CNBD1: variants seen among roughly 807,000 people sequenced by gnomAD.
CNBD1 encodes the protein cyclic nucleotide-binding domain-containing protein 1.
A neutral mutation model predicts 54.4 loss-of-function variants in CNBD1; 71 were observed. That is an observed-to-expected ratio of 1.30 (90% CI 1.08 to 1.59). The LOEUF is 1.59. Ranked by LOEUF, CNBD1 falls within the 40% of genes most tolerant of loss-of-function variation. The pLI is 0.00. For synonymous variants in CNBD1, 182 were observed against 170.7 expected, an observed-to-expected ratio of 1.07 and a Z score of -0.51; for missense variants, 659 against 518.0, an observed-to-expected ratio of 1.27 and a Z score of -2.64.
At chr8:87,077,924 T>C (rs553468926) in intron 4 of CNBD1, among the ~76,000 whole-genome samples, 6 of 152,252 alleles carry the variant, frequency 3.9e-5, no homozygotes, top group African/African-American at 1.4e-4. Context: ...ATCCTTTGGG[T>C]ATATACCCAC....
intron 10 of CNBD1, among the ~76,000 whole-genome samples, chr8:87,363,815 T>G (rs1328420824): frequency 3.3e-5 from 5 of 152,124 alleles, no homozygotes; most frequent in Non-Finnish European, 7.4e-5. Context: ...GCCTGTTCAC[T>G]CTGATGATAG....
intron 3 of CNBD1, among the ~76,000 whole-genome samples, chr8:86,908,168 A>G (rs1291097754): frequency 1.3e-5 from 2 of 152,238 alleles, no homozygotes. Flanking sequence ...CACACAGATG[A>G]AAATAAGCAG....
chr8:87,220,557 A>G (rs1165721905), intron 5 of CNBD1, among the ~76,000 whole-genome samples: 1 of 150,498 alleles, frequency 6.6e-6, no homozygotes, highest in Admixed American at 6.6e-5. Flanking sequence ...CTGTGATTCA[A>G]CTTTAATGTA....
chr8:87,224,600 A>G (rs551861374), intron 5 of CNBD1, among the ~76,000 whole-genome samples: 1 of 151,650 alleles, frequency 6.6e-6, no homozygotes, highest in African/African-American at 2.4e-5. Flanking sequence ...CCATTGATCT[A>G]TATCTCTGTT....
chr8:87,247,093 C>T (rs10216525), intron 6 of CNBD1, among the ~76,000 whole-genome samples: 44,086 of 151,920 alleles, frequency 0.29, 7,106 homozygotes, highest in African/African-American at 0.43. Context: ...GCAGGCTTTT[C>T]AGTGCTTTTG....
At position 86,947,655 on chromosome 8, in the gene CNBD1, A is replaced by G. The variant is rs970769555; in HGVS notation, c.431+7901A>G. On this transcript the variant is annotated intron_variant, in intron 4 of 10. Transcript: ENST00000518476. The stretch of plus-strand genomic sequence containing the variant: ...TTTTGTGGGTACATAGTAGATGTAT[A>G]TATTTATGGGGCACATGAGATGTTT... 5.3e-5 allele frequency among the ~76,000 whole-genome samples: 8 copies of G among 152,098 alleles called. No homozygotes were observed. In the East Asian group the frequency reaches 1.3e-3, roughly 26 times the overall value.
intron 4 of CNBD1, among the ~76,000 whole-genome samples, chr8:86,953,578 C>G (rs556444189): frequency 6.6e-6 from 1 of 152,058 alleles, no homozygotes; most frequent in Non-Finnish European, 1.5e-5. Flanking sequence ...TCCAACAATC[C>G]TATGCAGGCC....
intron 4 of CNBD1, among the ~76,000 whole-genome samples, chr8:86,953,514 C>G (rs768616594): frequency 6.6e-6 from 1 of 152,164 alleles, no homozygotes; most frequent in African/African-American, 2.4e-5. Flanking sequence ...AATTTTGGAA[C>G]ACATTTTAAC....
intron 2 of CNBD1, among the ~76,000 whole-genome samples, chr8:86,900,366 C>G (rs1374969798): frequency 2.0e-5 from 3 of 152,082 alleles, no homozygotes; most frequent in African/African-American, 7.2e-5. Flanking sequence ...TTTCTCATAA[C>G]TAGATTTTTT....
At chr8:86,984,096 C>A (rs562140756) in intron 4 of CNBD1, among the ~76,000 whole-genome samples, 1 of 152,272 alleles carries the variant, frequency 6.6e-6, no homozygotes, top group Non-Finnish European at 1.5e-5. Context: ...AGTTTAGGGA[C>A]TTGGCACCCT....
chr8:87,086,305 G>A (rs1163748348), intron 4 of CNBD1, among the ~76,000 whole-genome samples: 3 of 152,090 alleles, frequency 2.0e-5, no homozygotes, highest in Non-Finnish European at 2.9e-5. Context: ...CTCTGTCCTT[G>A]GAGACACCTG....
chr8:86,870,496 C>T (rs1022595991), intron 1 of CNBD1, among the ~76,000 whole-genome samples: 4 of 151,836 alleles, frequency 2.6e-5, no homozygotes. Flanking sequence ...CGCGCCTGGC[C>T]AACACGATAG....
At chr8:87,374,628 G>C (rs150622555) in intron 10 of CNBD1, among the ~76,000 whole-genome samples, 2 of 151,886 alleles carry the variant, frequency 1.3e-5, no homozygotes, top group South Asian at 2.1e-4. Flanking sequence ...CTAGCAGTTA[G>C]GTTGGAGCCA....
intron 10 of CNBD1, among the ~76,000 whole-genome samples, chr8:87,366,830 A>G (rs1476647866): frequency 6.6e-6 from 1 of 152,088 alleles, no homozygotes; most frequent in Non-Finnish European, 1.5e-5. Context: ...CAAACAAATA[A>G]GAAAGGAAGT....
intron 2 of CNBD1, among the ~76,000 whole-genome samples, chr8:87,390,049 A>T (rs533728712): frequency 6.6e-6 from 1 of 151,174 alleles, no homozygotes; most frequent in Non-Finnish European, 1.5e-5. Flanking sequence ...AGCCATATGT[A>T]GAAAGCTGAA....
chr8:87,328,022 G>A (rs1271034976), intron 8 of CNBD1, among the ~76,000 whole-genome samples: 1 of 151,820 alleles, frequency 6.6e-6, no homozygotes, highest in Non-Finnish European at 1.5e-5. Flanking sequence ...AGAAAATGCA[G>A]GTTTGTTCCA....
intron 10 of CNBD1, among the ~76,000 whole-genome samples, chr8:87,365,004 A>G (rs113939303): frequency 0.019 from 2,850 of 152,154 alleles, 90 homozygotes; most frequent in African/African-American, 0.062. Context: ...TTTGGTATAT[A>G]CCCAGTGGTG....
At chr8:87,371,740 A>G (rs1393723237) in intron 10 of CNBD1, among the ~76,000 whole-genome samples, 1 of 152,048 alleles carries the variant, frequency 6.6e-6, no homozygotes, top group African/African-American at 2.4e-5. Flanking sequence ...CAAAAACCAC[A>G]TGATTATCTC....
intron 2 of CNBD1, among the ~76,000 whole-genome samples, chr8:87,420,164 A>T (rs984598938): frequency 6.6e-6 from 1 of 151,472 alleles, no homozygotes; most frequent in Non-Finnish European, 1.5e-5. Context: ...CTTAGTTTTA[A>T]TTTTTTTTGC....
Sources: allele counts gnomAD v4.1 joint callset (sites outside exome capture counted in the v4.1 genomes callset), GRCh38; gene constraint gnomAD v4.1.1; transcripts MANE v1.5; gene names NCBI Gene and HGNC (gene_info 2026-07-23, HGNC 2026-07-21).